AGBL4: variants seen among roughly 807,000 people sequenced by gnomAD.
The protein encoded by AGBL4 is cytosolic carboxypeptidase 6.
AGBL4 carries 58 observed loss-of-function variants against 66.4 expected under a neutral mutation model. That is an observed-to-expected ratio of 0.87 (90% confidence interval 0.71 to 1.09). AGBL4 has a LOEUF of 1.09. AGBL4 is among the 50% of genes least tolerant of loss of function. The probability of loss-of-function intolerance (pLI) is 0.00; values close to 1 mark genes in which losing one functional copy is unlikely to be tolerated. For missense variants in AGBL4, 579 were observed against 631.0 expected (o/e 0.92, Z 0.88); for synonymous variants, 234 against 222.9 (o/e 1.05, Z -0.44).
intron 3 of AGBL4, among the ~76,000 whole-genome samples, chr1:49,359,950 T>G (rs1159390033): frequency 6.6e-6 from 1 of 152,168 alleles, no homozygotes; most frequent in Non-Finnish European, 1.5e-5. Context: ...TTGGTGACCC[T>G]TGATATGATG....
At chr1:49,961,432 G>C (rs929295886) in intron 1 of AGBL4, among the ~76,000 whole-genome samples, 4 of 151,918 alleles carry the variant, frequency 2.6e-5, no homozygotes, top group Admixed American at 1.3e-4. Flanking sequence ...TTGAGCCCAG[G>C]ATTTAGAGGC....
intron 3 of AGBL4, among the ~76,000 whole-genome samples, chr1:49,645,260 A>G (rs1200561664): frequency 6.6e-6 from 1 of 151,504 alleles, no homozygotes; most frequent in Non-Finnish European, 1.5e-5. Context: ...AAACAGCAAA[A>G]GTAATATGGA....
rs12088984 is a variant in AGBL4, at chr1:49,614,536, T to G, written c.282+82777A>C. ...ATATTTTACATATCTTTGGAGAATA[T>G]TTGTATACATTACCGGGACTGAAAA... On this transcript the variant is annotated intron_variant, in intron 3 of 13. Transcript: ENST00000371839. Among the ~76,000 whole-genome samples the G allele has an allele frequency of 2.1e-3, 316 of 152,314 alleles. 4 individuals are homozygous for G. The highest frequency in any genetic ancestry group is 7.1e-3 in the African/African-American group (294 of 41,576).
intron 6 of AGBL4, among the ~76,000 whole-genome samples, chr1:48,843,628 T>C (rs1186397209): frequency 2.0e-5 from 3 of 152,124 alleles, no homozygotes; most frequent in Non-Finnish European, 4.4e-5. Context: ...CACACACATA[T>C]ACTCTAAACA....
chr1:49,542,671 G>T (rs985013696), intron 3 of AGBL4, among the ~76,000 whole-genome samples: 7 of 152,044 alleles, frequency 4.6e-5, no homozygotes, highest in Non-Finnish European at 1.0e-4. Flanking sequence ...GCCCAGGTGG[G>T]CAGATCACTT....
intron 1 of AGBL4, among the ~76,000 whole-genome samples, chr1:49,933,185 T>G (rs990756593): frequency 6.6e-6 from 1 of 151,928 alleles, no homozygotes; most frequent in Non-Finnish European, 1.5e-5. Context: ...TAAAAACAAA[T>G]AGTAATGTAC....
chr1:49,500,159 C>A (rs1010479861), intron 3 of AGBL4, among the ~76,000 whole-genome samples: 1 of 151,936 alleles, frequency 6.6e-6, no homozygotes, highest in Non-Finnish European at 1.5e-5. Flanking sequence ...TGTTTGTTAG[C>A]CATTTGTATA....
intron 1 of AGBL4, among the ~76,000 whole-genome samples, chr1:49,902,168 A>T (rs1325898118): frequency 6.6e-6 from 1 of 152,234 alleles, no homozygotes; most frequent in Non-Finnish European, 1.5e-5. Context: ...AAACTGCAAC[A>T]AAACCAAAAA....
rs994426276 is a variant in AGBL4 at position 48,758,446 on chromosome 1, C to T, written c.635-95205G>A. On this transcript the variant is annotated intron_variant, in intron 6 of 13. Coordinates refer to ENST00000371839, the MANE Select transcript of AGBL4 (RefSeq NM_032785.4). ...TCTCCATGCCCTCAGTTACAAATAA[C>T]CTCTCCAACCCCTGAATTCTCATAT... 9.2e-5 allele frequency among the ~76,000 whole-genome samples: 14 copies of T among 152,312 alleles called. No individual in the cohort carries two copies. The East Asian group carries it at 2.1e-3, about 23-fold the overall frequency.
chr1:49,560,210 T>G (rs1158273534), intron 3 of AGBL4, among the ~76,000 whole-genome samples: 2 of 151,890 alleles, frequency 1.3e-5, no homozygotes, highest in African/African-American at 4.8e-5. Flanking sequence ...TTGAGGAAAC[T>G]CAAAGAAATC....
At chr1:49,460,858 C>T (rs934096501) in intron 3 of AGBL4, among the ~76,000 whole-genome samples, 2 of 151,676 alleles carry the variant, frequency 1.3e-5, no homozygotes, top group African/African-American at 4.8e-5. Context: ...ATTTATGAAG[C>T]TTAGTTTCAC....
intron 5 of AGBL4, among the ~76,000 whole-genome samples, chr1:48,920,523 T>C (rs1232491744): frequency 6.6e-6 from 1 of 152,186 alleles, no homozygotes; most frequent in Non-Finnish European, 1.5e-5. Flanking sequence ...TATGCAGCTT[T>C]ATAGTTTATA....
chr1:48,926,047 C>T (rs1464426435), intron 5 of AGBL4, among the ~76,000 whole-genome samples: 1 of 152,076 alleles, frequency 6.6e-6, no homozygotes, highest in Non-Finnish European at 1.5e-5. Flanking sequence ...CAAATGTGGG[C>T]ACCTTTAGAA....
chr1:49,462,113 T>C (rs1365724863), intron 3 of AGBL4, among the ~76,000 whole-genome samples: 1 of 151,722 alleles, frequency 6.6e-6, no homozygotes, highest in African/African-American at 2.4e-5. Flanking sequence ...CTCAATTTCC[T>C]TGTCTATATA....
chr1:49,420,753 T>A (rs1011692299), intron 3 of AGBL4, among the ~76,000 whole-genome samples: 4 of 152,156 alleles, frequency 2.6e-5, no homozygotes, highest in Admixed American at 2.6e-4. Context: ...GCAATTATTA[T>A]TGCTATTGTT....
At position 49,414,023 on chromosome 1, in the gene AGBL4, G is replaced by A. The variant is rs553640566; in HGVS notation, c.283-168159C>T. 1.3e-4 allele frequency among the ~76,000 whole-genome samples: 20 copies of A among 152,162 alleles called. No homozygotes were observed. The South Asian group carries it at 1.7e-3, about 13-fold the overall frequency. On this transcript the variant is annotated intron_variant, in intron 3 of 13. Transcript: ENST00000371839. ...CTCTTTATTAGGCAGGATCATAAAG[G>A]TCTTATGATCCAGTTACAATGTTTG...
chr1:49,636,565 C>T (rs143038284), intron 3 of AGBL4, among the ~76,000 whole-genome samples: 722 of 152,190 alleles, frequency 4.7e-3, no homozygotes, highest in Non-Finnish European at 7.6e-3. Context: ...ACATCTACTA[C>T]ATTAAATAAT....
intron 1 of AGBL4, among the ~76,000 whole-genome samples, chr1:49,858,027 T>C (rs1465702316): frequency 6.6e-6 from 1 of 151,762 alleles, no homozygotes. Flanking sequence ...AACAAAAAAA[T>C]AAAATATCCT....
chr1:49,666,335 C>T (rs773535075), intron 3 of AGBL4, among the ~76,000 whole-genome samples: 1 of 152,052 alleles, frequency 6.6e-6, no homozygotes, highest in Non-Finnish European at 1.5e-5. Flanking sequence ...AAGGCCCAAG[C>T]GGGTGGATCA....
Sources: gnomAD v4.1 joint callset for allele counts (sites outside exome capture counted in the v4.1 genomes callset) on GRCh38, gnomAD v4.1.1 for gene constraint, MANE v1.5 for transcripts, NCBI Gene and HGNC (gene_info 2026-07-23, HGNC 2026-07-21) for gene names.